Variants in PAK1 observed in about 807,000 individuals in gnomAD.
PAK1 encodes serine/threonine-protein kinase PAK 1.
In PAK1, 29 loss-of-function variants were observed where a neutral mutation model predicts 67.4. The observed-to-expected ratio is 0.43, with a 90% confidence interval of 0.32 to 0.59. The LOEUF (loss-of-function observed/expected upper bound fraction) is 0.59, where lower values mean the gene tolerates loss of function less well. Ranked by LOEUF, PAK1 falls within the 20% of genes least tolerant of loss-of-function variation. The pLI is 0.07. For synonymous variants in PAK1, 223 were observed against 237.4 expected (o/e 0.94, Z 0.56); for missense variants, 337 against 670.7 (o/e 0.50, Z 5.50).
chr11:77,344,864 T>C (rs1944166819), intron 9 of PAK1, among the ~76,000 whole-genome samples: 1 of 152,148 alleles, frequency 6.6e-6, no homozygotes, highest in South Asian at 2.1e-4. Flanking sequence ...CATTCAAAGT[T>C]CTCATGATCT....
At chr11:77,416,123 C>T (rs1233830765) in intron 1 of PAK1, among the ~76,000 whole-genome samples, 2 of 151,890 alleles carry the variant, frequency 1.3e-5, no homozygotes, top group Non-Finnish European at 2.9e-5. Flanking sequence ...GAATTACAGG[C>T]GTGTGCCACC....
At chr11:77,414,308 AAGG>A (rs1804290464) in intron 1 of PAK1, among the ~76,000 whole-genome samples, 1 of 152,212 alleles carries the variant, frequency 6.6e-6, no homozygotes, top group South Asian at 2.1e-4. Flanking sequence ...CCACATCTTC[AAGG>A]AGGTGATGAT....
chr11:77,518,347 A>G, the PAK1 span, among the ~76,000 whole-genome samples: 1 of 152,222 alleles, frequency 6.6e-6, no homozygotes, highest in East Asian at 1.9e-4. Context: ...GAAAGCTGTG[A>G]TCAATTAACG....
chr11:77,461,588 T>C (rs113356525), intron 1 of PAK1, among the ~76,000 whole-genome samples: 4,865 of 152,206 alleles, frequency 0.032, 131 homozygotes, highest in African/African-American at 0.074. Flanking sequence ...CGGGAATGTG[T>C]ATAAGTCAAG....
the PAK1 span, among the ~76,000 whole-genome samples, chr11:77,517,591 C>T: frequency 6.6e-6 from 1 of 152,178 alleles, no homozygotes. Context: ...GATGTTTCCA[C>T]AGACCAGTGT....
chr11:77,466,763 G>A (rs912190168), intron 1 of PAK1, among the ~76,000 whole-genome samples: 2 of 152,078 alleles, frequency 1.3e-5, no homozygotes, highest in Admixed American at 1.3e-4. Flanking sequence ...CACCGCAAAA[G>A]TCTAAGACGG....
chr11:77,451,689 T>G (rs1387223718), intron 1 of PAK1, among the ~76,000 whole-genome samples: 1 of 144,748 alleles, frequency 6.9e-6, no homozygotes, highest in Non-Finnish European at 1.5e-5. Context: ...AAGCTCCGCC[T>G]CCTGGGTTCA....
At chr11:77,481,997 CT>C in the PAK1 span, among the ~76,000 whole-genome samples, 1 of 151,154 alleles carries the variant, frequency 6.6e-6, no homozygotes, top group East Asian at 1.9e-4. Flanking sequence ...CGTTTTGCTT[CT>C]TTTTTTTTGA....
At chr11:77,406,763 A>T (rs1052787236) in intron 1 of PAK1, among the ~76,000 whole-genome samples, 1 of 151,304 alleles carries the variant, frequency 6.6e-6, no homozygotes, top group Non-Finnish European at 1.5e-5. Flanking sequence ...GCTGGGCAAC[A>T]GACAGAGATA....
the PAK1 span, among the ~76,000 whole-genome samples, chr11:77,506,948 G>A: frequency 2.8e-3 from 419 of 152,286 alleles, 2 homozygotes; most frequent in African/African-American, 9.6e-3. Flanking sequence ...AAGCATATAG[G>A]CTCCATGAAG....
chr11:77,329,355 C>T (rs1940871922), intron 14 of PAK1: 1 of 152,258 alleles, frequency 6.6e-6, no homozygotes, highest in African/African-American at 2.4e-5. Flanking sequence ...AGCCAATATC[C>T]TTGATGAACA....
At chr11:77,343,087 C>T (rs1943876650) in intron 10 of PAK1, among the ~76,000 whole-genome samples, 4 of 152,010 alleles carry the variant, frequency 2.6e-5, no homozygotes, top group Admixed American at 2.6e-4. Context: ...CAATGAGATA[C>T]TGTTCATGAA....
chr11:77,429,056 TAAAAAAAAAAAAAAAAAAAAA>T lies in PAK1; in HGVS notation c.-21-36536_-21-36516del, dbSNP rs566874549. Among the ~76,000 whole-genome samples, 57 of 48,996 alleles carry T rather than the reference TAAAAAAAAAAAAAAAAAAAAA, an allele frequency of 1.2e-3. 1 individual carries two copies. The East Asian group carries it at 0.032, about 28-fold the overall frequency. The allele number at this position is 48,996 out of a possible 152,430, so 32.1% of individuals were successfully genotyped here. A position where few individuals can be genotyped will look rare whatever the true frequency, so the allele number is the denominator to read the frequency against. ...TTGGATTCTAAATGCCATTTAATAC[TAAAAAAAAAAAAAAAAAAAAA>T]AAAAAAAAAAAAAAAAACACACACA... On this transcript the variant is annotated intron_variant, in intron 1 of 14. Coordinates refer to ENST00000356341, the MANE Select transcript of PAK1 (RefSeq NM_002576.5).
At chr11:77,449,561 A>C (rs577816643) in intron 1 of PAK1, among the ~76,000 whole-genome samples, 1 of 152,254 alleles carries the variant, frequency 6.6e-6, no homozygotes, top group East Asian at 1.9e-4. Context: ...ACTTTTCCTC[A>C]AAATAACACA....
intron 1 of PAK1, among the ~76,000 whole-genome samples, chr11:77,410,427 T>C (rs548010832): frequency 1.1e-4 from 16 of 152,162 alleles, no homozygotes; most frequent in African/African-American, 1.9e-4. Flanking sequence ...CTGGGGAAGA[T>C]AGAATTTGGA....
chr11:77,521,393 G>A, the PAK1 span, among the ~76,000 whole-genome samples: 2 of 152,180 alleles, frequency 1.3e-5, no homozygotes, highest in African/African-American at 4.8e-5. Context: ...GCCGGGCATG[G>A]TGGCGCATGC....
At chr11:77,451,243 G>T (rs1956838456) in intron 1 of PAK1, among the ~76,000 whole-genome samples, 2 of 152,140 alleles carry the variant, frequency 1.3e-5, no homozygotes, top group South Asian at 4.1e-4. Context: ...CTCACTCTCA[G>T]CTTCCCCTCA....
At chr11:77,415,855 T>A (rs1164501536) in intron 1 of PAK1, among the ~76,000 whole-genome samples, 1 of 152,094 alleles carries the variant, frequency 6.6e-6, no homozygotes, top group African/African-American at 2.4e-5. Flanking sequence ...TATAAACTTT[T>A]TAATTTTTTA....
chr11:77,474,400 C>G (rs530175965), upstream of PAK1: 1 of 152,200 alleles, frequency 6.6e-6, no homozygotes, highest in Non-Finnish European at 1.5e-5. Context: ...CCGCTTGCTG[C>G]GTGACGTCAT....
Sources: allele counts gnomAD v4.1 joint callset (sites outside exome capture counted in the v4.1 genomes callset), GRCh38; gene constraint gnomAD v4.1.1; transcripts MANE v1.5; gene names NCBI Gene and HGNC (gene_info 2026-07-23, HGNC 2026-07-21).